Variants in NELFA observed in about 807,000 individuals in gnomAD.
The protein encoded by NELFA is negative elongation factor complex member A.
Under a neutral mutation model 51.8 loss-of-function variants are expected in NELFA, and 35 were observed. The observed-to-expected ratio is 0.68, with a 90% confidence interval of 0.52 to 0.90. The LOEUF (loss-of-function observed/expected upper bound fraction) is 0.90. NELFA is among the 40% of genes least tolerant of loss of function. The probability of loss-of-function intolerance (pLI) is 0.00; values close to 1 mark genes in which losing one functional copy is unlikely to be tolerated. For synonymous variants in NELFA, 417 were observed against 338.4 expected, an observed-to-expected ratio of 1.23 and a Z score of -2.55; for missense variants, 658 against 746.4, an observed-to-expected ratio of 0.88 and a Z score of 1.38.
In NELFA at chr4:1,986,373, G is replaced by T; in HGVS notation, c.664C>A (p.Pro222Thr). 6.2e-7 allele frequency: 1 copy of T among 1,611,024 alleles called. No homozygotes were observed. The highest frequency in any genetic ancestry group is 8.5e-7 in the Non-Finnish European group (1 of 1,178,974). The change falls in exon 5 of 11, where the codon CCC (proline) becomes ACC (threonine). Residue 222 changes from proline to threonine, a missense_variant. Around this residue, in one of 3 missense-constraint regions of NELFA, gnomAD observed 371 missense variants for 448.3 expected, o/e 0.83. Coordinates refer to ENST00000382882, the MANE Select transcript of NELFA (RefSeq NM_005663.5). ...CTGGGCGCCGTGGGGCTTCTGAAGG[G>T]CGCCTGCTTCGGGATGCCTTTGAGT... Reference protein sequence around the residue: ...TPLKGIPKQAPFRSPTAPSVF... With the variant: ...TPLKGIPKQATFRSPTAPSVF...
intron 1 of NELFA, among the ~76,000 whole-genome samples, chr4:2,003,060 G>C (rs913254930): frequency 6.6e-6 from 1 of 152,158 alleles, no homozygotes; most frequent in African/African-American, 2.4e-5. Flanking sequence ...CCATCAAAAA[G>C]TGGGCAAAGG....
intron 1 of NELFA, among the ~76,000 whole-genome samples, chr4:1,994,925 A>G (rs1005282601): frequency 6.6e-6 from 1 of 152,236 alleles, no homozygotes; most frequent in Non-Finnish European, 1.5e-5. Context: ...TCATTCAGAA[A>G]CACAAGTTGT....
chr4:1,986,431 G>A (rs371533378), intron 4 of NELFA, 29 bp from the exon 5 acceptor site: 19 of 1,611,670 alleles, frequency 1.2e-5, no homozygotes, highest in Middle Eastern at 3.3e-4. Flanking sequence ...CAGGGCGCCA[G>A]CAGCAGTGAC....
At chr4:2,008,634 C>A in intron 1 of NELFA, 116 bp downstream of exon 1, 3 of 1,174,932 alleles carry the variant, frequency 2.6e-6, no homozygotes, top group South Asian at 3.0e-5. Flanking sequence ...GGTTAACAGT[C>A]TGAAGGGGGA....
chr4:1,998,901 G>C (rs1187752278), intron 1 of NELFA, among the ~76,000 whole-genome samples: 1 of 152,140 alleles, frequency 6.6e-6, no homozygotes, highest in African/African-American at 2.4e-5. Context: ...CAGAGAGAAA[G>C]GCCAGGTCAC....
At position 1,983,702 on chromosome 4, in the gene NELFA, C is replaced by A. The variant is rs367797499; in HGVS notation, c.1303-7G>T. On this transcript the variant is annotated splice_polypyrimidine_tract_variant and splice_region_variant and intron_variant, in intron 9 of 10. Transcript: ENST00000382882. ...CAGCGAACATCTGCTCTCTCTACAG[C>A]GGGGAGAGGGGTGTGGGTGCCAGGG... 2 of 1,613,080 alleles carry A rather than the reference C, an allele frequency of 1.2e-6. No homozygotes were observed. The highest frequency in any genetic ancestry group is 1.1e-5 in the South Asian group (1 of 91,054).
At chr4:1,998,050 C>T (rs1219561693) in intron 1 of NELFA, among the ~76,000 whole-genome samples, 2 of 152,008 alleles carry the variant, frequency 1.3e-5, no homozygotes, top group African/African-American at 4.8e-5. Flanking sequence ...AGAAGAGGGA[C>T]ATGACTACGG....
chr4:1,999,731 G>C (rs1245862595), intron 1 of NELFA, among the ~76,000 whole-genome samples: 3 of 152,126 alleles, frequency 2.0e-5, no homozygotes, highest in Non-Finnish European at 2.9e-5. Context: ...AGATCAACGA[G>C]ACAGAAAACT....
At chr4:1,997,014 T>A (rs1577624522) in intron 1 of NELFA, among the ~76,000 whole-genome samples, 1 of 151,992 alleles carries the variant, frequency 6.6e-6, no homozygotes, top group African/African-American at 2.4e-5. Flanking sequence ...CTCAGGAAGG[T>A]GAGGCAGGAG....
intron 10 of NELFA, 28 bp from the exon 11 acceptor site, chr4:1,983,531 GTGTC>G (rs775455634): frequency 1.2e-6 from 2 of 1,612,360 alleles, no homozygotes; most frequent in African/African-American, 2.7e-5. Flanking sequence ...TGCTGGGTGG[GTGTC>G]TGGGGGCACC....
chr4:1,989,638 C>G lies in NELFA; in HGVS notation c.544+70G>C. The stretch of plus-strand genomic sequence containing the variant: ...CCACCTTGAAGGGGCAGTCTTGGTA[C>G]CTTAGAACCTAAGAAACCTATGACT... On this transcript the variant is annotated intron_variant, in intron 3 of 10. Coordinates refer to ENST00000382882, the MANE Select transcript of NELFA (RefSeq NM_005663.5). This position sits in a 1 kb window ranked among gnomAD's most constrained non-coding sequence, Gnocchi z 4.8. 6.6e-7 allele frequency: 1 copy of G among 1,525,530 alleles called. No individual in the cohort carries two copies. The allele number at this position is 1,525,530 out of a possible 1,614,324, so 94.5% of individuals were successfully genotyped here. A position where few individuals can be genotyped will look rare whatever the true frequency, so the allele number is the denominator to read the frequency against.
chr4:1,990,047 G>A (rs1728227159), intron 2 of NELFA, 178 bp from the exon 3 acceptor site: 1 of 668,672 alleles, frequency 1.5e-6, no homozygotes, highest in Non-Finnish European at 2.5e-6. Context: ...ACACCCAGGA[G>A]CATTTGCAGA....
At chr4:1,990,738 G>T (rs538321366) in intron 2 of NELFA, among the ~76,000 whole-genome samples, 33 of 152,358 alleles carry the variant, frequency 2.2e-4, no homozygotes, top group African/African-American at 7.7e-4. Flanking sequence ...AAGCAGGAGA[G>T]AAACTCAGAA....
chr4:1,990,024 C>T (rs1488032156), intron 2 of NELFA, 155 bp from the exon 3 acceptor site: 13 of 771,446 alleles, frequency 1.7e-5, no homozygotes, highest in Admixed American at 5.8e-5. Context: ...TGACTCCCCA[C>T]GGCTCCAGCA....
At chr4:1,986,774 C>CT (rs71167766) in intron 4 of NELFA, among the ~76,000 whole-genome samples, 1 of 152,164 alleles carries the variant, frequency 6.6e-6, no homozygotes, top group Admixed American at 6.5e-5. Flanking sequence ...GCCTTCTCCC[C>CT]GTCCCCTGAG....
intron 1 of NELFA, among the ~76,000 whole-genome samples, chr4:1,996,329 T>C (rs1728421897): frequency 6.6e-6 from 1 of 152,250 alleles, no homozygotes; most frequent in Non-Finnish European, 1.5e-5. Flanking sequence ...AGTGTGACGA[T>C]ACAGTTCTGT....
In NELFA at chr4:1,989,739, G is replaced by A. The variant is rs764689642; in HGVS notation, c.513C>T (p.Ser171=). ...GCAGCAGCTCCGCCCGCAGCGTGGC[G>A]CTCTTGGGTTTCCGCTTTAACTGAA... ...KHFQLKRKPK[S]ATLRAELLQK... Residue 171 remains serine, a synonymous_variant, in exon 3 of 11, where the codon AGC becomes AGT. Transcript: ENST00000382882. The surrounding 1 kb of genome is among the most constrained non-coding windows in gnomAD (Gnocchi z 4.8). The A allele has an allele frequency of 8.1e-6, 13 of 1,614,064 alleles. No homozygotes were observed. In the East Asian group the frequency reaches 1.1e-4, roughly 14 times the overall value.
At chr4:1,992,617 G>A (rs2109060587) in intron 1 of NELFA, 2 of 221,260 alleles carry the variant, frequency 9.0e-6, no homozygotes, top group Non-Finnish European at 1.9e-5. Context: ...CCAGCCCCAG[G>A]CCTTCCTGAC....
At chr4:1,992,441 G>C (rs767224227) in intron 1 of NELFA, 1 of 428,746 alleles carries the variant, frequency 2.3e-6, no homozygotes, top group Admixed American at 2.6e-5. Flanking sequence ...GCCTGCTTCG[G>C]CCACATAAAC....
Sources: allele counts gnomAD v4.1 joint callset (sites outside exome capture counted in the v4.1 genomes callset), GRCh38; gene constraint gnomAD v4.1.1; regional missense constraint gnomAD v4.1.1; non-coding constraint Gnocchi (gnomAD v3.1); transcripts MANE v1.5; gene names NCBI Gene and HGNC (gene_info 2026-07-23, HGNC 2026-07-21).